The following MTCL2 variants were observed in gnomAD, a reference collection of about 807,000 sequenced individuals.
MTCL2 encodes microtubule crosslinking factor 2.
chr20:36,815,023 C>T, the MTCL2 span: 2 of 1,158,886 alleles, frequency 1.7e-6, no homozygotes, highest in African/African-American at 1.6e-5. This position sits in a 1 kb window ranked among gnomAD's most constrained non-coding sequence, Gnocchi z 5.3. Context: ...GATTGCACCA[C>T]TGCACTTCAG....
At chr20:36,805,854 G>A in the MTCL2 span, 41 of 1,606,412 alleles carry the variant, frequency 2.6e-5, no homozygotes, top group South Asian at 4.5e-5. Flanking sequence ...GAAACACACC[G>A]TGTTCTGGGT....
At chr20:36,837,526 C>T in the MTCL2 span, among the ~76,000 whole-genome samples, 2 of 150,322 alleles carry the variant, frequency 1.3e-5, no homozygotes, top group African/African-American at 4.9e-5. Context: ...TTTTTGAGTC[C>T]TTATGCTGGC....
chr20:36,794,380 T>C, the MTCL2 span: 30 of 1,612,628 alleles, frequency 1.9e-5, no homozygotes, highest in African/African-American at 2.8e-4. This position sits in a 1 kb window ranked among gnomAD's most constrained non-coding sequence, Gnocchi z 5.4. Context: ...TCTGCCTCCC[T>C]GGGGGGTCCT....
the MTCL2 span, among the ~76,000 whole-genome samples, chr20:36,841,864 T>TG: frequency 2.0e-5 from 2 of 100,054 alleles, no homozygotes; most frequent in Admixed American, 1.0e-4. Flanking sequence ...ACATCGGGGG[T>TG]GGGGGGTGGG....
the MTCL2 span, among the ~76,000 whole-genome samples, chr20:36,813,859 T>C: frequency 6.7e-6 from 1 of 150,364 alleles, no homozygotes; most frequent in South Asian, 2.1e-4. Flanking sequence ...AGGATGAAGA[T>C]CAAACCTCCC....
chr20:36,806,364 G>C, the MTCL2 span, among the ~76,000 whole-genome samples: 1 of 152,158 alleles, frequency 6.6e-6, no homozygotes. Context: ...GTCACCTTCT[G>C]TGCTCAAGCA....
chr20:36,795,348 T>A, the MTCL2 span, among the ~76,000 whole-genome samples: 1 of 152,206 alleles, frequency 6.6e-6, no homozygotes, highest in Non-Finnish European at 1.5e-5. Context: ...CCTCTGCCTC[T>A]CAAAATGCTG....
the MTCL2 span, among the ~76,000 whole-genome samples, chr20:36,840,024 A>G: frequency 6.6e-6 from 1 of 151,912 alleles, no homozygotes; most frequent in South Asian, 2.1e-4. Flanking sequence ...CACCACACCC[A>G]GCTGATTTTT....
At chr20:36,825,083 C>T in the MTCL2 span, among the ~76,000 whole-genome samples, 1 of 151,922 alleles carries the variant, frequency 6.6e-6, no homozygotes, top group Non-Finnish European at 1.5e-5. Context: ...GCTGGGATTA[C>T]AGGCGCCCAC....
chr20:36,862,948 G>A, the MTCL2 span: 4 of 1,397,106 alleles, frequency 2.9e-6, no homozygotes, highest in Non-Finnish European at 3.7e-6. Flanking sequence ...AGGCCCAGCA[G>A]GCGCGCCTCC....
chr20:36,856,634 C>G, the MTCL2 span, among the ~76,000 whole-genome samples: 6 of 152,308 alleles, frequency 3.9e-5, no homozygotes, highest in South Asian at 4.1e-4. Flanking sequence ...CCTACCACCC[C>G]CATCCACCCA....
chr20:36,804,624 C>T, the MTCL2 span: 46 of 1,412,786 alleles, frequency 3.3e-5, no homozygotes, highest in Middle Eastern at 7.7e-4. Context: ...GGTGAAGCAA[C>T]GGCATTCTTA....
At chr20:36,830,754 C>G in the MTCL2 span, among the ~76,000 whole-genome samples, 1 of 152,310 alleles carries the variant, frequency 6.6e-6, no homozygotes, top group South Asian at 2.1e-4. Flanking sequence ...GCAGTGATAA[C>G]AGGGTCAACC....
At chr20:36,829,242 G>T in the MTCL2 span, 40 of 1,576,180 alleles carry the variant, frequency 2.5e-5, no homozygotes, top group Non-Finnish European at 3.0e-5. Context: ...AGAAGGATGT[G>T]AGCAGGCTGA....
At chr20:36,863,107 C>T in the MTCL2 span, 15 of 1,399,264 alleles carry the variant, frequency 1.1e-5, no homozygotes, top group South Asian at 1.7e-4. This position sits in a 1 kb window ranked among gnomAD's most constrained non-coding sequence, Gnocchi z 6.2. Flanking sequence ...CCGCGCGCCC[C>T]GGGAGCCACT....
the MTCL2 span, among the ~76,000 whole-genome samples, chr20:36,832,703 C>T: frequency 3.9e-5 from 6 of 152,162 alleles, no homozygotes; most frequent in East Asian, 1.9e-4. Context: ...ATTAGCCAGG[C>T]GTGGTGGCAC....
chr20:36,783,445 T>G, the MTCL2 span: 1 of 152,054 alleles, frequency 6.6e-6, no homozygotes, highest in Non-Finnish European at 1.5e-5. Flanking sequence ...TGCCAACTGG[T>G]CCCCCATTTC....
chr20:36,850,934 A>C, the MTCL2 span, among the ~76,000 whole-genome samples: 1 of 152,192 alleles, frequency 6.6e-6, no homozygotes, highest in Non-Finnish European at 1.5e-5. Context: ...ACATGCAGGA[A>C]GCTTAGGGAA....
chr20:36,800,204 G>A, the MTCL2 span, among the ~76,000 whole-genome samples: 1 of 152,250 alleles, frequency 6.6e-6, no homozygotes, highest in Non-Finnish European at 1.5e-5. Context: ...GCCCTGATGA[G>A]CTGACAAGAC....
Sources: allele counts gnomAD v4.1 joint callset (sites outside exome capture counted in the v4.1 genomes callset), GRCh38; gene constraint gnomAD v4.1.1; non-coding constraint Gnocchi (gnomAD v3.1); transcripts MANE v1.5; gene names NCBI Gene and HGNC (gene_info 2026-07-23, HGNC 2026-07-21).